ANP32A: variants seen among roughly 807,000 people sequenced by gnomAD.
ANP32A encodes the protein acidic nuclear phosphoprotein 32 family member A.
A neutral mutation model predicts 33.9 loss-of-function variants in ANP32A; 1 was observed. The observed-to-expected ratio is 0.03, with a 90% confidence interval of 0.01 to 0.14. The LOEUF (loss-of-function observed/expected upper bound fraction) is 0.14. Among genes scored for constraint, ANP32A ranks in the 10% least tolerant of loss-of-function variants. ANP32A has a pLI of 1.00. For synonymous variants in ANP32A, 115 were observed against 120.5 expected (o/e 0.95, Z 0.30); for missense variants, 155 against 306.0 (o/e 0.51, Z 3.68).
At chr15:68,815,333 C>G (rs968399949) in intron 1 of ANP32A, among the ~76,000 whole-genome samples, 2 of 152,136 alleles carry the variant, frequency 1.3e-5, no homozygotes, top group African/African-American at 4.8e-5. Context: ...TACATAGGGA[C>G]TTTTATAACA....
At chr15:68,820,212 G>T (rs1894452774) in intron 1 of ANP32A, among the ~76,000 whole-genome samples, 1 of 152,138 alleles carries the variant, frequency 6.6e-6, no homozygotes, top group South Asian at 2.1e-4. Flanking sequence ...GAAAGGGAGG[G>T]GGGAGGCGCG....
Position 68,779,842 on chromosome 15 carries a change from C to CAAAG in ANP32A, c.*235_*238dup, listed in dbSNP as rs1893841769. 3.8e-6 allele frequency: 2 copies of CAAAG among 521,874 alleles called. No individual in the cohort carries two copies. Among genetic ancestry groups the CAAAG allele is most frequent in the Non-Finnish European group, 6.8e-6 (2 of 294,404 alleles). The allele number at this position is 521,874 out of a possible 1,614,324, so 32.3% of individuals were successfully genotyped here. A position where few individuals can be genotyped will look rare whatever the true frequency, so the allele number is the denominator to read the frequency against. On this transcript the variant is annotated 3_prime_UTR_variant, in exon 7 of 7. Coordinates refer to ENST00000465139, the MANE Select transcript of ANP32A (RefSeq NM_006305.4). Reference sequence around the variant, plus strand: ...CATTTACAGGGACAAAAACCGGACACAAAGAAAAAGTAGGGGAAAAAAATA... The same window carrying CAAAG: ...CATTTACAGGGACAAAAACCGGACACAAAGAAAGAAAAAGTAGGGGAAAAAAATA...
chr15:68,793,987 G>A (rs1047039472), intron 1 of ANP32A, among the ~76,000 whole-genome samples: 7 of 152,172 alleles, frequency 4.6e-5, no homozygotes, highest in Non-Finnish European at 8.8e-5. Flanking sequence ...AGGAAAGGTG[G>A]ACAGAAGGCA....
Position 68,780,018 on chromosome 15 carries a change from A to C in ANP32A, c.*63T>G. The C allele has an allele frequency of 1.9e-5, 20 of 1,054,812 alleles. No homozygotes were observed. Among genetic ancestry groups the C allele is most frequent in the Non-Finnish European group, 2.4e-5 (19 of 776,906 alleles). 65.3% of individuals were successfully genotyped at this position (1,054,812 alleles called of 1,614,324 possible). A position where few individuals can be genotyped will look rare whatever the true frequency, so the allele number is the denominator to read the frequency against. Reference sequence around the variant, plus strand: ...GGGGGCAGGATTGGAGGGGGGGGGGAGAGGGGATATGGGTAAAAACAGTCA... The same window carrying C: ...GGGGGCAGGATTGGAGGGGGGGGGGCGAGGGGATATGGGTAAAAACAGTCA... On this transcript the variant is annotated 3_prime_UTR_variant, in exon 7 of 7. Transcript: ENST00000465139. The surrounding 1 kb of genome is among the most constrained non-coding windows in gnomAD (Gnocchi z 4.3).
chr15:68,797,391 C>G (rs1894076905), intron 1 of ANP32A, among the ~76,000 whole-genome samples: 1 of 152,198 alleles, frequency 6.6e-6, no homozygotes, highest in African/African-American at 2.4e-5. Flanking sequence ...AACCACAGCA[C>G]TGCACCCATG....
Position 68,787,824 on chromosome 15 carries a change from G to T in ANP32A, c.150C>A (p.Ile50=), listed in dbSNP as rs1398061257. 4 of 1,613,998 alleles carry T rather than the reference G, an allele frequency of 2.5e-6. No homozygotes were observed. In the Admixed American group the frequency reaches 6.7e-5, roughly 27 times the overall value. ...TTGCGATTGAGGTGAGGCCTACGTT[G>T]ATTGTACTTAAGAATTCCAGTTCTT... ...EFEELEFLST[I]NVGLTSIANL... Residue 50 remains isoleucine, a synonymous_variant, in exon 2 of 7, where the codon ATC becomes ATA. Coordinates refer to ENST00000465139, the MANE Select transcript of ANP32A (RefSeq NM_006305.4).
chr15:68,820,665 G>A (rs754096843), intron 1 of ANP32A, 33 bp downstream of exon 1: 4 of 1,547,476 alleles, frequency 2.6e-6, no homozygotes, highest in Non-Finnish European at 3.5e-6. Flanking sequence ...GTAGGAGAAT[G>A]GACCGACAGA....
At chr15:68,789,188 CT>C (rs1001342158) in intron 1 of ANP32A, 1 of 152,378 alleles carries the variant, frequency 6.6e-6, no homozygotes, top group African/African-American at 2.4e-5. Context: ...CAAAGAGTCC[CT>C]TCAGCCCAGG....
At chr15:68,802,751 C>T (rs1894154675) in intron 1 of ANP32A, among the ~76,000 whole-genome samples, 1 of 152,186 alleles carries the variant, frequency 6.6e-6, no homozygotes, top group Admixed American at 6.5e-5. Context: ...CTCCCAGGTT[C>T]AAGTGATTCT....
intron 1 of ANP32A, among the ~76,000 whole-genome samples, chr15:68,809,628 G>A (rs991265520): frequency 6.6e-6 from 1 of 152,172 alleles, no homozygotes; most frequent in African/African-American, 2.4e-5. Flanking sequence ...GATGACCAGC[G>A]ACCTAAGAAG....
intron 1 of ANP32A, among the ~76,000 whole-genome samples, chr15:68,806,707 C>T (rs1894231952): frequency 6.6e-6 from 1 of 152,250 alleles, no homozygotes; most frequent in Non-Finnish European, 1.5e-5. Flanking sequence ...CAGCTGAAAG[C>T]TTCACAAAGT....
chr15:68,807,047 C>A (rs935678136), intron 1 of ANP32A, among the ~76,000 whole-genome samples: 5 of 152,228 alleles, frequency 3.3e-5, no homozygotes, highest in African/African-American at 1.2e-4. Flanking sequence ...AGAGAGAAAG[C>A]CACAGATGCA....
intron 1 of ANP32A, among the ~76,000 whole-genome samples, chr15:68,793,849 G>C (rs959986649): frequency 6.6e-6 from 1 of 152,238 alleles, no homozygotes; most frequent in African/African-American, 2.4e-5. Context: ...TCACATGCCT[G>C]TGAAGCTGGC....
At chr15:68,816,524 C>G (rs941299382) in intron 1 of ANP32A, among the ~76,000 whole-genome samples, 17 of 152,114 alleles carry the variant, frequency 1.1e-4, no homozygotes, top group African/African-American at 4.1e-4. Flanking sequence ...TTGTTATTAT[C>G]CTAAACCATG....
chr15:68,816,848 G>C (rs1251512610), intron 1 of ANP32A, among the ~76,000 whole-genome samples: 2 of 152,136 alleles, frequency 1.3e-5, no homozygotes, highest in African/African-American at 4.8e-5. Context: ...ATCAGCAGCA[G>C]AACTCAACTG....
chr15:68,786,252 CTTTTTTTTTT>C (rs558065991), intron 3 of ANP32A, among the ~76,000 whole-genome samples: 2 of 90,096 alleles, frequency 2.2e-5, no homozygotes, highest in African/African-American at 9.1e-5. Context: ...GCTGCTGCTG[CTTTTTTTTTT>C]TTTTTTTTTT....
chr15:68,787,256 G>T, intron 3 of ANP32A, 157 bp downstream of exon 3: 1 of 1,063,902 alleles, frequency 9.4e-7, no homozygotes, highest in Non-Finnish European at 1.4e-6. Context: ...GTTTCTCTAT[G>T]GACTCAGCAG....
At chr15:68,817,245 T>C (rs1447187826) in intron 1 of ANP32A, 1 of 152,246 alleles carries the variant, frequency 6.6e-6, no homozygotes, top group Non-Finnish European at 1.5e-5. Flanking sequence ...TCTCTTTCGC[T>C]TTAGGATCTC....
chr15:68,796,937 A>C, intron 1 of ANP32A, among the ~76,000 whole-genome samples: 1 of 152,102 alleles, frequency 6.6e-6, no homozygotes, highest in East Asian at 1.9e-4. Flanking sequence ...CTGTTCCGGA[A>C]AGAACGTGGC....
Sources: gnomAD v4.1 joint callset for allele counts (sites outside exome capture counted in the v4.1 genomes callset) on GRCh38, gnomAD v4.1.1 for gene constraint, Gnocchi (gnomAD v3.1) non-coding constraint, MANE v1.5 for transcripts, NCBI Gene and HGNC (gene_info 2026-07-23, HGNC 2026-07-21) for gene names.